The following AGBL4 variants were observed in gnomAD, a reference collection of about 807,000 sequenced individuals.
AGBL4 encodes cytosolic carboxypeptidase 6.
Under a neutral mutation model 66.4 loss-of-function variants are expected in AGBL4, and 58 were observed. The ratio of observed to expected loss-of-function variants is 0.87; its 90% CI spans 0.71 to 1.09. The LOEUF (loss-of-function observed/expected upper bound fraction) is 1.09, where lower values mean the gene tolerates loss of function less well. Among genes scored for constraint, AGBL4 ranks in the 50% least tolerant of loss-of-function variants. The pLI is 0.00. For synonymous variants in AGBL4, 234 were observed against 222.9 expected (o/e 1.05, Z -0.44); for missense variants, 579 against 631.0 (o/e 0.92, Z 0.88).
chr1:48,839,861 G>A (rs947180427), intron 6 of AGBL4, among the ~76,000 whole-genome samples: 5 of 152,074 alleles, frequency 3.3e-5, no homozygotes, highest in East Asian at 1.9e-4. Context: ...ACTTAATTGC[G>A]TGTGTATCAA....
At chr1:49,729,781 A>G (rs1342970224) in intron 2 of AGBL4, among the ~76,000 whole-genome samples, 2 of 152,198 alleles carry the variant, frequency 1.3e-5, no homozygotes, top group Non-Finnish European at 2.9e-5. Context: ...AGTCTGTGGT[A>G]GTAGGAATTT....
chr1:48,561,531 C>T (rs1179730559), intron 11 of AGBL4, among the ~76,000 whole-genome samples: 2 of 152,180 alleles, frequency 1.3e-5, no homozygotes, highest in Admixed American at 1.3e-4. Flanking sequence ...GATGCCCAGA[C>T]ATTTGGTCAA....
At chr1:49,147,706 C>T (rs986069469) in intron 4 of AGBL4, among the ~76,000 whole-genome samples, 1 of 151,874 alleles carries the variant, frequency 6.6e-6, no homozygotes, top group African/African-American at 2.4e-5. Flanking sequence ...GGAAAGAAGC[C>T]TAATTATAGC....
chr1:49,242,583 G>A (rs1651322549), intron 4 of AGBL4, among the ~76,000 whole-genome samples: 1 of 151,906 alleles, frequency 6.6e-6, no homozygotes, highest in Non-Finnish European at 1.5e-5. Flanking sequence ...AATGAACACG[G>A]TTAAGAAATA....
At chr1:49,489,141 T>C (rs772933503) in intron 3 of AGBL4, among the ~76,000 whole-genome samples, 14 of 151,880 alleles carry the variant, frequency 9.2e-5, no homozygotes, top group Non-Finnish European at 1.9e-4. Context: ...TAATTTACAT[T>C]CCCACCAACA....
chr1:48,562,833 A>G (rs2798132), intron 11 of AGBL4, among the ~76,000 whole-genome samples: 26,530 of 152,172 alleles, frequency 0.17, 2,846 homozygotes, highest in Middle Eastern at 0.31. Context: ...TATTCATGCA[A>G]TAATTTGTGT....
At chr1:49,064,192 A>G (rs912236056) in intron 4 of AGBL4, among the ~76,000 whole-genome samples, 3 of 152,238 alleles carry the variant, frequency 2.0e-5, no homozygotes, top group African/African-American at 7.2e-5. Context: ...TTATATGAAC[A>G]AAGAATTTAG....
At chr1:49,384,351 T>C (rs1303423827) in intron 3 of AGBL4, among the ~76,000 whole-genome samples, 5 of 151,856 alleles carry the variant, frequency 3.3e-5, no homozygotes, top group African/African-American at 7.3e-5. Flanking sequence ...CCCAGCATTT[T>C]GGGAGGTCGA....
intron 5 of AGBL4, among the ~76,000 whole-genome samples, chr1:48,897,968 C>T (rs1488729337): frequency 6.6e-6 from 1 of 151,936 alleles, no homozygotes; most frequent in Non-Finnish European, 1.5e-5. Flanking sequence ...TGCCACCATA[C>T]CCGGCTAATT....
At chr1:49,780,914 C>A (rs1644320959) in intron 2 of AGBL4, among the ~76,000 whole-genome samples, 1 of 152,032 alleles carries the variant, frequency 6.6e-6, no homozygotes, top group African/African-American at 2.4e-5. Context: ...AATCAAAAGG[C>A]AGACATTATA....
chr1:48,638,515 T>C (rs1265561162), intron 8 of AGBL4, among the ~76,000 whole-genome samples: 2 of 152,258 alleles, frequency 1.3e-5, no homozygotes, highest in Non-Finnish European at 2.9e-5. Flanking sequence ...TAGCCAGTGA[T>C]GGCAGTGAAG....
At chr1:48,789,789 G>A (rs1645501695) in intron 6 of AGBL4, among the ~76,000 whole-genome samples, 1 of 152,170 alleles carries the variant, frequency 6.6e-6, no homozygotes, top group African/African-American at 2.4e-5. Flanking sequence ...ACCAGCTCAG[G>A]AGACAGCTGA....
At chr1:49,288,648 G>C (rs1156687557) in intron 3 of AGBL4, among the ~76,000 whole-genome samples, 1 of 152,186 alleles carries the variant, frequency 6.6e-6, no homozygotes, top group Non-Finnish European at 1.5e-5. Context: ...GCTAAGTGGA[G>C]CTTTCAACAG....
Position 49,954,961 on chromosome 1 carries a change from T to C in AGBL4, c.34+68802A>G, listed in dbSNP as rs184871394. Among the ~76,000 whole-genome samples the C allele has an allele frequency of 9.3e-4, 141 of 152,044 alleles. 1 individual carries two copies. Among genetic ancestry groups the C allele is most frequent in the African/African-American group, 3.2e-3 (134 of 41,518 alleles). ...TATTCAAACTAATATTATTTTGGGC[T>C]TTCTGTTACATAAAATGAGACCCAA... On this transcript the variant is annotated intron_variant, in intron 1 of 13. Transcript: ENST00000371839.
chr1:49,994,099 C>G (rs1203430479), intron 1 of AGBL4, among the ~76,000 whole-genome samples: 1 of 152,046 alleles, frequency 6.6e-6, no homozygotes, highest in Non-Finnish European at 1.5e-5. Context: ...AAATGTGAAT[C>G]ATGCATAATT....
At position 49,185,760 on chromosome 1, in the gene AGBL4, C is replaced by T. The variant is rs149530042; in HGVS notation, c.377+60010G>A. Among the ~76,000 whole-genome samples the T allele has an allele frequency of 6.6e-5, 10 of 152,224 alleles. No homozygotes were observed. The South Asian group carries it at 1.0e-3, about 16-fold the overall frequency. On this transcript the variant is annotated intron_variant, in intron 4 of 13. Transcript: ENST00000371839. ...TTATGCAATACTCTGCCTAGTTCCCCGCCCTCGCATCTCTTTTCTTCCCAG... is the reference window on the plus strand; with the variant it reads ...TTATGCAATACTCTGCCTAGTTCCCTGCCCTCGCATCTCTTTTCTTCCCAG...
chr1:49,928,245 ATTTTT>A (rs1652990063), intron 1 of AGBL4, among the ~76,000 whole-genome samples: 1 of 151,742 alleles, frequency 6.6e-6, no homozygotes, highest in Non-Finnish European at 1.5e-5. Context: ...TTTATTTTTT[ATTTTT>A]ATTTTTATTT....
intron 6 of AGBL4, among the ~76,000 whole-genome samples, chr1:48,789,748 A>G (rs1008105302): frequency 3.3e-5 from 5 of 152,210 alleles, no homozygotes; most frequent in African/African-American, 1.2e-4. Flanking sequence ...AGTCATAGGA[A>G]GAACTTTAAG....
chr1:49,245,498 T>A (rs1324476314), intron 4 of AGBL4, among the ~76,000 whole-genome samples: 1 of 151,764 alleles, frequency 6.6e-6, no homozygotes, highest in African/African-American at 2.4e-5. Context: ...CATAATTGAA[T>A]GCTGGTCATC....
Sources: allele counts gnomAD v4.1 joint callset (sites outside exome capture counted in the v4.1 genomes callset), GRCh38; gene constraint gnomAD v4.1.1; transcripts MANE v1.5; gene names NCBI Gene and HGNC (gene_info 2026-07-23, HGNC 2026-07-21).